Variants in AKT3 observed in about 807,000 individuals in gnomAD.
AKT3 encodes AKT serine/threonine kinase 3.
A neutral mutation model predicts 65.3 loss-of-function variants in AKT3; 15 were observed. The observed-to-expected ratio is 0.23, with a 90% CI of 0.15 to 0.35. The LOEUF (loss-of-function observed/expected upper bound fraction) is 0.35. AKT3 is among the 10% of genes least tolerant of loss of function. The pLI, the probability that AKT3 is intolerant of heterozygous loss-of-function variation, is 1.00. For missense variants in AKT3, 243 were observed against 576.5 expected (o/e 0.42, Z 5.92); for synonymous variants, 206 against 183.8 (o/e 1.12, Z -0.98).
intron 2 of AKT3, among the ~76,000 whole-genome samples, chr1:243,809,889 T>C (rs1693013986): frequency 1.3e-5 from 2 of 152,026 alleles, no homozygotes; most frequent in South Asian, 2.1e-4. Flanking sequence ...TCACTCAAAA[T>C]CACACAACTA....
chr1:243,622,990 A>G (rs1678876844), intron 6 of AKT3, among the ~76,000 whole-genome samples: 1 of 152,192 alleles, frequency 6.6e-6, no homozygotes, highest in Admixed American at 6.5e-5. Flanking sequence ...GGTTGCCCAA[A>G]CTCTACACAT....
rs546930948 is a variant in AKT3, at chr1:243,520,042, A to C, written c.1252-7616T>G. On this transcript the variant is annotated intron_variant, in intron 12 of 13. Transcript: ENST00000673466. The stretch of plus-strand genomic sequence containing the variant: ...ATTTACTTTAAACAACAGCTGAACA[A>C]ATTTCAAATATTGTATTATTATAGG... 2.6e-5 allele frequency among the ~76,000 whole-genome samples: 4 copies of C among 152,206 alleles called. No homozygotes were observed. The East Asian group carries it at 7.7e-4, about 29-fold the overall frequency.
At chr1:243,605,889 T>C (rs543296236) in intron 8 of AKT3, among the ~76,000 whole-genome samples, 4 of 152,300 alleles carry the variant, frequency 2.6e-5, no homozygotes, top group South Asian at 2.1e-4. Context: ...TGGAAGGTAA[T>C]TGAATCACAG....
At position 243,566,527 on chromosome 1, in the gene AKT3, A is replaced by T. The variant is rs945809484; in HGVS notation, c.820-2679T>A. ...AAGGGATGACTGAGAGAGATGGGGT[A>T]AGGGTCATGGCCATGGGGACTGGTA... is the stretch of plus-strand genomic sequence containing the variant. On this transcript the variant is annotated intron_variant, in intron 9 of 13. Transcript: ENST00000673466. Among the ~76,000 whole-genome samples the T allele has an allele frequency of 2.6e-5, 4 of 152,186 alleles. No homozygotes were observed. The East Asian group carries it at 7.7e-4, about 29-fold the overall frequency.
intron 12 of AKT3, among the ~76,000 whole-genome samples, chr1:243,516,244 A>G (rs565762528): frequency 1.3e-5 from 2 of 152,344 alleles, no homozygotes; most frequent in East Asian, 1.9e-4. Context: ...ATCTTTCAAC[A>G]TATGTGTCCA....
intron 2 of AKT3, among the ~76,000 whole-genome samples, chr1:243,752,948 G>A (rs1275615222): frequency 1.3e-5 from 2 of 152,142 alleles, no homozygotes; most frequent in Admixed American, 1.3e-4. Context: ...GTGGGCAAAT[G>A]GAATTTTGGC....
intron 13 of AKT3, among the ~76,000 whole-genome samples, chr1:243,506,325 C>G (rs968151349): frequency 6.6e-6 from 1 of 152,210 alleles, no homozygotes; most frequent in African/African-American, 2.4e-5. Context: ...TGAATCTTTC[C>G]AATACTCAAC....
chr1:243,489,164 G>A (rs756152387), intron 13 of AKT3: 5 of 1,610,008 alleles, frequency 3.1e-6, no homozygotes, highest in Middle Eastern at 2.1e-4. Flanking sequence ...CGCGGCGCAG[G>A]TGGGAGTCCT....
intron 2 of AKT3, among the ~76,000 whole-genome samples, chr1:243,809,765 T>C (rs1047733234): frequency 1.3e-5 from 2 of 152,314 alleles, no homozygotes; most frequent in African/African-American, 2.4e-5. Context: ...TATTCCAAAA[T>C]TGACCACATA....
At chr1:243,847,647 G>A (rs892617988) in intron 1 of AKT3, among the ~76,000 whole-genome samples, 5 of 152,096 alleles carry the variant, frequency 3.3e-5, no homozygotes, top group Admixed American at 6.5e-5. Flanking sequence ...AAGTCCATTT[G>A]TTCCCTAGTA....
chr1:243,699,496 T>C (rs1685294766), intron 2 of AKT3, among the ~76,000 whole-genome samples: 1 of 105,628 alleles, frequency 9.5e-6, no homozygotes, highest in African/African-American at 4.5e-5. Flanking sequence ...TATATATATA[T>C]ATATATATAT....
chr1:243,513,113 G>A (rs1477458260), intron 12 of AKT3, among the ~76,000 whole-genome samples: 2 of 152,134 alleles, frequency 1.3e-5, no homozygotes, highest in Admixed American at 6.5e-5. Flanking sequence ...CTGCACCTGC[G>A]GCAGGCATGG....
chr1:243,550,789 C>CAAAAAAAAAAAA (rs60834632), intron 11 of AKT3, among the ~76,000 whole-genome samples: 1 of 33,680 alleles, frequency 3.0e-5, no homozygotes, highest in Non-Finnish European at 5.0e-5. Flanking sequence ...ACTAAAATAC[C>CAAAAAAAAAAAA]AAAAAAAAAA....
intron 2 of AKT3, among the ~76,000 whole-genome samples, chr1:243,754,862 T>C (rs1407541376): frequency 6.6e-6 from 1 of 152,148 alleles, no homozygotes; most frequent in African/African-American, 2.4e-5. Context: ...AAGCCAGGGA[T>C]GCTGCTAATC....
intron 2 of AKT3, among the ~76,000 whole-genome samples, chr1:243,761,915 T>C (rs1282532748): frequency 1.3e-5 from 2 of 152,132 alleles, no homozygotes; most frequent in Admixed American, 6.5e-5. Context: ...GAATCTCTCT[T>C]GTCTCAACGT....
chr1:243,574,363 G>A (rs1369533821), intron 8 of AKT3, among the ~76,000 whole-genome samples: 1 of 150,436 alleles, frequency 6.6e-6, no homozygotes, highest in African/African-American at 2.4e-5. Flanking sequence ...AAAAAGTGTA[G>A]CACAACAATA....
At chr1:243,845,588 C>CAAAAAAAAAAAAAAAAAAAAA in intron 1 of AKT3, among the ~76,000 whole-genome samples, 1 of 79,362 alleles carries the variant, frequency 1.3e-5, no homozygotes. Flanking sequence ...GAACCTGTCT[C>CAAAAAAAAAAAAAAAAAAAAA]AAAAAAAAAA....
At chr1:243,579,213 A>G (rs1289038332) in intron 8 of AKT3, among the ~76,000 whole-genome samples, 3 of 152,212 alleles carry the variant, frequency 2.0e-5, no homozygotes, top group African/African-American at 7.2e-5. Context: ...TGACATGCTG[A>G]TATCTAAATA....
intron 2 of AKT3, among the ~76,000 whole-genome samples, chr1:243,808,784 G>C (rs2148390245): frequency 6.6e-6 from 1 of 152,326 alleles, no homozygotes; most frequent in Non-Finnish European, 1.5e-5. Context: ...CAGAGAGAAA[G>C]GTCGGGTTAC....
Sources: allele counts gnomAD v4.1 joint callset (sites outside exome capture counted in the v4.1 genomes callset), GRCh38; gene constraint gnomAD v4.1.1; transcripts MANE v1.5; gene names NCBI Gene and HGNC (gene_info 2026-07-23, HGNC 2026-07-21).